Variants in HTD2 observed in about 807,000 individuals in gnomAD.
HTD2 encodes hydroxyacyl-thioester dehydratase type 2, mitochondrial.
In HTD2, 1 loss-of-function variant was observed where a neutral mutation model predicts 3.1. The observed-to-expected ratio is 0.32, with a 90% CI of 0.11 to 1.52. The LOEUF (loss-of-function observed/expected upper bound fraction) is 1.52. Among genes scored for constraint, HTD2 ranks in the 40% most tolerant of loss-of-function variants. The probability of loss-of-function intolerance (pLI) is 0.39; values close to 1 mark genes in which losing one functional copy is unlikely to be tolerated. For synonymous variants in HTD2, 50 were observed against 28.9 expected, an observed-to-expected ratio of 1.73 and a Z score of -2.34; for missense variants, 150 against 79.6, an observed-to-expected ratio of 1.88 and a Z score of -3.36.
intron 2 of HTD2, among the ~76,000 whole-genome samples, chr3:58,316,053 T>C (rs2097487976): frequency 1.3e-5 from 2 of 152,228 alleles, no homozygotes; most frequent in South Asian, 2.1e-4. Flanking sequence ...AAAATATCCC[T>C]GTGTGTACCT....
chr3:58,306,530 A>G lies in HTD2; in HGVS notation c.-537A>G, dbSNP rs959559672. The G allele has an allele frequency of 8.6e-5, 13 of 151,856 alleles. No homozygotes were observed. Among genetic ancestry groups the G allele is most frequent in the Non-Finnish European group, 2.9e-5 (2 of 67,950 alleles). The allele number at this position is 151,856 out of a possible 1,614,324, so 9.4% of individuals were successfully genotyped here. A position where few individuals can be genotyped will look rare whatever the true frequency, so the allele number is the denominator to read the frequency against. ...CGCCTTGGGTAGCTTGTCCTCTCCG[A>G]CCCCGGGCGCTGAGGGCCTCTGTAC... On this transcript the variant is annotated 5_prime_UTR_variant, in exon 1 of 5. Transcript: ENST00000461393.
intron 1 of HTD2, among the ~76,000 whole-genome samples, chr3:58,307,051 G>A (rs1290295768): frequency 6.6e-6 from 1 of 152,168 alleles, no homozygotes; most frequent in Non-Finnish European, 1.5e-5. Context: ...CTGCCTGGAG[G>A]AAGATCTTTC....
intron 2 of HTD2, among the ~76,000 whole-genome samples, chr3:58,311,153 TG>T (rs2097481821): frequency 6.6e-6 from 1 of 151,978 alleles, no homozygotes; most frequent in Non-Finnish European, 1.5e-5. Flanking sequence ...TTGTTGTTGT[TG>T]TTGTTGTTGT....
intron 2 of HTD2, among the ~76,000 whole-genome samples, chr3:58,315,073 A>G (rs907024422): frequency 1.9e-4 from 29 of 152,162 alleles, no homozygotes; most frequent in African/African-American, 7.0e-4. Context: ...CTGAAAACTT[A>G]AGTTCACACA....
intron 1 of HTD2, 108 bp from the exon 2 acceptor site, chr3:58,310,399 G>A: frequency 2.5e-6 from 4 of 1,613,790 alleles, no homozygotes; most frequent in Non-Finnish European, 3.4e-6. Flanking sequence ...CTACATGAAA[G>A]TCTGCCTGTA....
intron 2 of HTD2, among the ~76,000 whole-genome samples, chr3:58,314,233 C>T (rs1234255629): frequency 6.6e-6 from 1 of 152,136 alleles, no homozygotes; most frequent in Non-Finnish European, 1.5e-5. Context: ...TGCCTGTAAC[C>T]CCAGCTACTC....
intron 1 of HTD2, among the ~76,000 whole-genome samples, chr3:58,307,392 A>G (rs1389968493): frequency 1.3e-5 from 2 of 152,202 alleles, no homozygotes; most frequent in African/African-American, 2.4e-5. Context: ...TATTACTAAT[A>G]GGTCAGATTA....
chr3:58,317,919 G>A lies in HTD2; in HGVS notation c.306G>A (p.Gly102=), dbSNP rs1402573866. 1.4e-6 allele frequency: 1 copy of A among 702,794 alleles called. No homozygotes were observed. The highest frequency in any genetic ancestry group is 1.7e-5 in the African/African-American group (1 of 57,232). 43.5% of individuals were successfully genotyped at this position (702,794 alleles called of 1,614,324 possible). The change falls in exon 5 of 5, where the codon GGG becomes GGA. Residue 102 remains glycine, a synonymous_variant. Coordinates refer to ENST00000461393, the MANE Select transcript of HTD2 (RefSeq NM_001348712.2). The part of the protein sequence containing the change: ...ISALLGTKMP[G]PGCVFLSQEI... ...CTCTCCTAGGAACTAAAATGCCAGG[G>A]CCAGGCTGTGTATTTCTTTCCCAGG...
In HTD2 at chr3:58,310,170, G is replaced by A. The variant is rs892269827; in HGVS notation, c.-415-337G>A. On this transcript the variant is annotated intron_variant, in intron 1 of 4. Transcript: ENST00000461393. ...TGCAGTGAACTCTGATTGTACCACT[G>A]CACTTCAGCCTAGGTGACAGGGTGA... 4.9e-6 allele frequency: 3 copies of A among 608,706 alleles called. No individual in the cohort carries two copies. In the African/African-American group the frequency reaches 6.0e-5, roughly 12 times the overall value. The allele number at this position is 608,706 out of a possible 1,614,324, so 37.7% of individuals were successfully genotyped here.
rs770932690 is a variant in HTD2, at chr3:58,317,596, A to G, written c.-18A>G. 7.1e-6 allele frequency: 6 copies of G among 840,784 alleles called. No individual in the cohort carries two copies. The African/African-American group carries it at 8.4e-5, about 12-fold the overall frequency. 52.1% of individuals were successfully genotyped at this position (840,784 alleles called of 1,614,324 possible). On this transcript the variant is annotated 5_prime_UTR_variant, in exon 5 of 5. Coordinates refer to ENST00000461393, the MANE Select transcript of HTD2 (RefSeq NM_001348712.2). ...GAAGCAGGCTAAAAGCTCTTGATGA[A>G]ATTTGAGGGTGCTGAAGATGTTCCC...
chr3:58,307,540 A>G (rs2097476828), intron 1 of HTD2, among the ~76,000 whole-genome samples: 2 of 152,000 alleles, frequency 1.3e-5, no homozygotes, highest in Admixed American at 1.3e-4. Context: ...GCCTGGGCCA[A>G]CATGGCGAAA....
chr3:58,306,293 A>G (rs2097474324), upstream of HTD2: 1 of 152,328 alleles, frequency 6.6e-6, no homozygotes, highest in Non-Finnish European at 1.5e-5. Flanking sequence ...GGAGAAGCCA[A>G]ACGTAAAGAC....
At chr3:58,313,105 C>T (rs924418575) in intron 2 of HTD2, among the ~76,000 whole-genome samples, 4 of 150,984 alleles carry the variant, frequency 2.6e-5, no homozygotes, top group African/African-American at 7.3e-5. Flanking sequence ...CTACTAAAAA[C>T]ACAAAAAGCC....
rs563070623 is a variant in HTD2, at chr3:58,310,125, C to T, written c.-415-382C>T. 4.3e-4 allele frequency: 240 copies of T among 563,842 alleles called. 1 individual carries two copies. The highest frequency in any genetic ancestry group is 4.1e-3 in the African/African-American group (216 of 53,120). 34.9% of individuals were successfully genotyped at this position (563,842 alleles called of 1,614,324 possible). ...TGAGGCAGGAGGATCACCTGAGCCTCGAGAGCCAGAGGTGGAGGCTGCAGT... is the reference window on the plus strand; with the variant it reads ...TGAGGCAGGAGGATCACCTGAGCCTTGAGAGCCAGAGGTGGAGGCTGCAGT... On this transcript the variant is annotated intron_variant, in intron 1 of 4. Transcript: ENST00000461393.
chr3:58,312,877 C>T (rs2097483808), intron 2 of HTD2, among the ~76,000 whole-genome samples: 1 of 148,242 alleles, frequency 6.7e-6, no homozygotes, highest in South Asian at 2.1e-4. Flanking sequence ...AGGAGAATTG[C>T]TTGAACCTGG....
At chr3:58,310,189 A>G in intron 1 of HTD2, 1 of 692,328 alleles carries the variant, frequency 1.4e-6, no homozygotes, top group South Asian at 1.8e-5. Context: ...CCTAGGTGAC[A>G]GGGTGAGACC....
upstream of HTD2, chr3:58,306,479 C>T (rs754265412): frequency 1.6e-4 from 25 of 152,332 alleles, no homozygotes; most frequent in Non-Finnish European, 2.9e-4. Context: ...GGCCGCGACC[C>T]GGGCGCATGC....
At chr3:58,315,905 A>G (rs1004565870) in intron 2 of HTD2, 3 of 152,188 alleles carry the variant, frequency 2.0e-5, no homozygotes, top group Non-Finnish European at 4.4e-5. Flanking sequence ...CAAACTCCCA[A>G]CCTCAGGTGA....
At chr3:58,309,871 G>A (rs1446556831) in intron 1 of HTD2, among the ~76,000 whole-genome samples, 128 of 151,822 alleles carry the variant, frequency 8.4e-4, no homozygotes, top group Non-Finnish European at 2.4e-4. Flanking sequence ...CAGCCTGGGC[G>A]ACAGAGCAAG....
Sources: gnomAD v4.1 joint callset for allele counts (sites outside exome capture counted in the v4.1 genomes callset) on GRCh38, gnomAD v4.1.1 for gene constraint, MANE v1.5 for transcripts, NCBI Gene and HGNC (gene_info 2026-07-23, HGNC 2026-07-21) for gene names.